Variants in MITF observed in about 807,000 individuals in gnomAD.
MITF encodes the protein microphthalmia-associated transcription factor.
A neutral mutation model predicts 60.5 loss-of-function variants in MITF; 17 were observed. The ratio of observed to expected loss-of-function variants is 0.28; its 90% CI spans 0.19 to 0.42. The LOEUF (loss-of-function observed/expected upper bound fraction) is 0.42, where lower values mean the gene tolerates loss of function less well. MITF is among the 10% of genes least tolerant of loss of function. The pLI is 1.00. For synonymous variants in MITF, 260 were observed against 248.5 expected, an observed-to-expected ratio of 1.05 and a Z score of -0.43; for missense variants, 622 against 683.5, an observed-to-expected ratio of 0.91 and a Z score of 1.00.
At chr3:69,907,210 C>T (rs993437595) in intron 2 of MITF, among the ~76,000 whole-genome samples, 7 of 152,144 alleles carry the variant, frequency 4.6e-5, no homozygotes, top group Non-Finnish European at 1.0e-4. Context: ...TAACGTAAGT[C>T]GTCCATTGAG....
chr3:69,796,494 CTTTTTTTTTT>C (rs767834091), intron 1 of MITF, among the ~76,000 whole-genome samples: 1 of 80,328 alleles, frequency 1.2e-5, no homozygotes. Flanking sequence ...CACCGTCTTT[CTTTTTTTTTT>C]TTTTTTTTTT....
intron 5 of MITF, among the ~76,000 whole-genome samples, chr3:69,942,269 C>T (rs1474911471): frequency 1.3e-5 from 2 of 152,078 alleles, no homozygotes; most frequent in African/African-American, 4.8e-5. Flanking sequence ...TGTGAACATA[C>T]ATAACACTAC....
intron 1 of MITF, among the ~76,000 whole-genome samples, chr3:69,753,173 G>T (rs1033673137): frequency 1.2e-4 from 19 of 152,306 alleles, no homozygotes; most frequent in African/African-American, 4.3e-4. Context: ...TCCAGATCCA[G>T]CTATGGCTCA....
intron 5 of MITF, among the ~76,000 whole-genome samples, chr3:69,942,389 G>A (rs1334024817): frequency 6.6e-6 from 1 of 151,976 alleles, no homozygotes; most frequent in East Asian, 1.9e-4. Flanking sequence ...AATTCCCTTG[G>A]CCAAAGGACA....
chr3:69,749,617 G>A (rs1259234792), intron 1 of MITF, among the ~76,000 whole-genome samples: 5 of 152,196 alleles, frequency 3.3e-5, no homozygotes, highest in African/African-American at 7.2e-5. Context: ...TAGTTTTAAA[G>A]GAAGAGTTTA....
intron 1 of MITF, among the ~76,000 whole-genome samples, chr3:69,850,429 A>T (rs1324795847): frequency 1.3e-5 from 2 of 152,246 alleles, no homozygotes; most frequent in Non-Finnish European, 2.9e-5. Flanking sequence ...GAAGATTAAA[A>T]TAAGGTAATG....
At chr3:69,744,944 TGATGGGTC>T (rs1230892438) in intron 1 of MITF, among the ~76,000 whole-genome samples, 2 of 152,216 alleles carry the variant, frequency 1.3e-5, no homozygotes, top group African/African-American at 4.8e-5. Context: ...ATACTAATAA[TGATGGGTC>T]ACATTTATTG....
At chr3:69,879,069 C>G (rs781713614) in intron 1 of MITF, 65 bp from the exon 2 acceptor site, 24 of 1,393,870 alleles carry the variant, frequency 1.7e-5, no homozygotes, top group Non-Finnish European at 2.3e-5. Context: ...TAGGATACCC[C>G]CAAAGTGCAA....
At chr3:69,951,272 A>AT (rs763101991) in intron 6 of MITF, among the ~76,000 whole-genome samples, 2 of 150,280 alleles carry the variant, frequency 1.3e-5, no homozygotes, top group Non-Finnish European at 1.5e-5. Flanking sequence ...ATTTTTTTTT[A>AT]TTTTTTGTAA....
intron 2 of MITF, among the ~76,000 whole-genome samples, chr3:69,885,372 A>G (rs1325098276): frequency 3.3e-5 from 5 of 152,008 alleles, no homozygotes; most frequent in African/African-American, 9.7e-5. Context: ...ATAATTCCAT[A>G]CTGCCAGAGG....
chr3:69,953,891 T>C (rs2107525009), intron 7 of MITF, among the ~76,000 whole-genome samples: 1 of 152,082 alleles, frequency 6.6e-6, no homozygotes, highest in Non-Finnish European at 1.5e-5. Flanking sequence ...TGTGTAAAAA[T>C]AGCACACTGG....
At chr3:69,850,323 C>T (rs1421138467) in intron 1 of MITF, among the ~76,000 whole-genome samples, 2 of 152,152 alleles carry the variant, frequency 1.3e-5, no homozygotes, top group African/African-American at 4.8e-5. Flanking sequence ...TCCTTCTTTG[C>T]AAACCGTTTG....
intron 1 of MITF, among the ~76,000 whole-genome samples, chr3:69,775,515 T>TA (rs2062459980): frequency 6.6e-6 from 1 of 152,240 alleles, no homozygotes; most frequent in South Asian, 2.1e-4. Flanking sequence ...AACCCAATGA[T>TA]ACACACAAAT....
At chr3:69,942,161 A>G (rs1208786557) in intron 5 of MITF, among the ~76,000 whole-genome samples, 1 of 152,252 alleles carries the variant, frequency 6.6e-6, no homozygotes, top group East Asian at 1.9e-4. Context: ...TTTAAAGACC[A>G]ATATTTATTG....
chr3:69,771,249 G>T (rs969054385), intron 1 of MITF, among the ~76,000 whole-genome samples: 7 of 147,136 alleles, frequency 4.8e-5, no homozygotes, highest in Middle Eastern at 3.7e-3. Flanking sequence ...TTAAACATGG[G>T]TTTTTTTTTT....
At chr3:69,954,203 G>A (rs1293432603) in intron 7 of MITF, among the ~76,000 whole-genome samples, 1 of 152,168 alleles carries the variant, frequency 6.6e-6, no homozygotes. Flanking sequence ...AAGATGCAGA[G>A]TCCTTTTTAG....
intron 1 of MITF, among the ~76,000 whole-genome samples, chr3:69,750,219 G>A (rs1490310176): frequency 6.6e-6 from 1 of 151,992 alleles, no homozygotes; most frequent in African/African-American, 2.4e-5. Context: ...CATGGCTCCA[G>A]GAGTGGAGAA....
At chr3:69,798,254 G>A (rs1334586145) in intron 1 of MITF, among the ~76,000 whole-genome samples, 1 of 152,184 alleles carries the variant, frequency 6.6e-6, no homozygotes, top group African/African-American at 2.4e-5. Flanking sequence ...TTTTTATAGT[G>A]AGGAAACCAT....
At chr3:69,791,640 C>A (rs573525071) in intron 1 of MITF, among the ~76,000 whole-genome samples, 1 of 152,088 alleles carries the variant, frequency 6.6e-6, no homozygotes, top group Non-Finnish European at 1.5e-5. Context: ...TTCAAACTGG[C>A]ACAGTTTTTT....
Sources: allele counts gnomAD v4.1 joint callset (sites outside exome capture counted in the v4.1 genomes callset), GRCh38; gene constraint gnomAD v4.1.1; transcripts MANE v1.5; gene names NCBI Gene and HGNC (gene_info 2026-07-23, HGNC 2026-07-21).